The following EMB variants were observed in gnomAD, a reference collection of about 807,000 sequenced individuals.
EMB encodes embigin homolog.
In EMB, 31 loss-of-function variants were observed where a neutral mutation model predicts 41.4. That is an observed-to-expected ratio of 0.75 (90% confidence interval 0.56 to 1.01). The LOEUF is 1.01. Among genes scored for constraint, EMB ranks in the 50% least tolerant of loss-of-function variants. The probability of loss-of-function intolerance (pLI) is 0.00; values close to 1 mark genes in which losing one functional copy is unlikely to be tolerated. For missense variants in EMB, 379 were observed against 388.3 expected, an observed-to-expected ratio of 0.98 and a Z score of 0.20; for synonymous variants, 137 against 140.4, an observed-to-expected ratio of 0.98 and a Z score of 0.17.
At chr5:50,410,769 G>C (rs1284059632) in intron 4 of EMB, 108 bp downstream of exon 4, 1 of 725,828 alleles carries the variant, frequency 1.4e-6, no homozygotes, top group Non-Finnish European at 2.1e-6. Flanking sequence ...CTTTCTTTCA[G>C]CTACATTATG....
intron 1 of EMB, among the ~76,000 whole-genome samples, chr5:50,435,802 T>A (rs1312549409): frequency 2.6e-5 from 4 of 152,218 alleles, no homozygotes; most frequent in African/African-American, 2.4e-5. Context: ...CAGTTGGTAC[T>A]CATGAATCCC....
At chr5:50,440,332 G>A (rs563635758) in intron 1 of EMB, among the ~76,000 whole-genome samples, 31 of 152,134 alleles carry the variant, frequency 2.0e-4, no homozygotes, top group African/African-American at 7.0e-4. Context: ...TTGGGAGTTC[G>A]AGACCAGACT....
upstream of EMB, chr5:50,442,904 T>C (rs1745937457): frequency 6.6e-6 from 1 of 152,126 alleles, no homozygotes; most frequent in African/African-American, 2.4e-5. Flanking sequence ...TAAAGAAACA[T>C]TTTTTTCAGT....
In EMB at chr5:50,436,276, G is replaced by A. The variant is rs1745801562; in HGVS notation, c.112+4764C>T. ...TATATAGACTTAAGTAAAGAGATAGGGATTTAATGTCATGGATTCCCATGG... is the reference window on the plus strand; with the variant it reads ...TATATAGACTTAAGTAAAGAGATAGAGATTTAATGTCATGGATTCCCATGG... On this transcript the variant is annotated intron_variant, in intron 1 of 8. Coordinates refer to ENST00000303221, the MANE Select transcript of EMB (RefSeq NM_198449.3). 8.6e-5 allele frequency among the ~76,000 whole-genome samples: 13 copies of A among 152,012 alleles called. No homozygotes were observed. In the South Asian group the frequency reaches 2.7e-3, roughly 32 times the overall value.
intron 2 of EMB, among the ~76,000 whole-genome samples, chr5:50,421,841 A>C (rs1745529201): frequency 6.8e-6 from 1 of 147,768 alleles, no homozygotes; most frequent in African/African-American, 2.5e-5. Context: ...TGGGAACTGA[A>C]CAATGAGAAC....
At chr5:50,429,782 G>C (rs1209647386) in intron 1 of EMB, among the ~76,000 whole-genome samples, 1 of 151,760 alleles carries the variant, frequency 6.6e-6, no homozygotes, top group African/African-American at 2.4e-5. Context: ...TTCTCACTAG[G>C]CTATCAAGTA....
chr5:50,431,186 C>A (rs1745714920), intron 1 of EMB, among the ~76,000 whole-genome samples: 1 of 152,160 alleles, frequency 6.6e-6, no homozygotes, highest in Non-Finnish European at 1.5e-5. Context: ...ACACGTGTAA[C>A]TGCTGTGTGA....
At chr5:50,418,484 G>A (rs1745464972) in intron 2 of EMB, among the ~76,000 whole-genome samples, 1 of 152,222 alleles carries the variant, frequency 6.6e-6, no homozygotes, top group Non-Finnish European at 1.5e-5. Context: ...TGTAAAGTTA[G>A]AGGGAGGGAG....
chr5:50,399,542 G>C (rs1279523091), intron 8 of EMB, among the ~76,000 whole-genome samples: 4 of 151,852 alleles, frequency 2.6e-5, no homozygotes. Context: ...AGAAAATCCA[G>C]AAAATTTTAG....
chr5:50,409,549 T>TCA (rs1745301298), intron 4 of EMB, among the ~76,000 whole-genome samples: 1 of 151,312 alleles, frequency 6.6e-6, no homozygotes, highest in Admixed American at 6.6e-5. Flanking sequence ...TATTTTTTGC[T>TCA]CATTGGGAAG....
In EMB at chr5:50,398,794, T is replaced by G. The variant is rs1745112016; in HGVS notation, c.*479A>C. ...CATTTCAACTTAGTAAAGACATATT[T>G]TTTCACTATCACAGAAAGATGACCT... On this transcript the variant is annotated 3_prime_UTR_variant, in exon 9 of 9. Transcript: ENST00000303221. The G allele has an allele frequency of 6.6e-6, 1 of 152,440 alleles. No individual in the cohort carries two copies. Among genetic ancestry groups the G allele is most frequent in the South Asian group, 2.1e-4 (1 of 4,830 alleles). The allele number at this position is 152,440 out of a possible 1,614,324, so 9.4% of individuals were successfully genotyped here.
At chr5:50,439,985 T>C (rs1377194744) in intron 1 of EMB, among the ~76,000 whole-genome samples, 3 of 152,080 alleles carry the variant, frequency 2.0e-5, no homozygotes, top group Admixed American at 1.3e-4. Flanking sequence ...TGAAAAGTAA[T>C]TATAAACAGG....
At chr5:50,401,511 G>A (rs1745162731) in intron 7 of EMB, among the ~76,000 whole-genome samples, 1 of 151,858 alleles carries the variant, frequency 6.6e-6, no homozygotes, top group African/African-American at 2.4e-5. Context: ...CCAGCCCTTG[G>A]CTCTATTGTT....
At chr5:50,438,677 A>T in intron 1 of EMB, among the ~76,000 whole-genome samples, 1 of 152,128 alleles carries the variant, frequency 6.6e-6, no homozygotes, top group African/African-American at 2.4e-5. Context: ...TTTCCCAGAG[A>T]TCAATACCGA....
At position 50,434,176 on chromosome 5, in the gene EMB, G is replaced by T. The variant is rs186176476; in HGVS notation, c.113-5949C>A. Among the ~76,000 whole-genome samples the T allele has an allele frequency of 1.4e-4, 22 of 152,264 alleles. No individual in the cohort carries two copies. In the East Asian group the frequency reaches 4.0e-3, roughly 28 times the overall value. On this transcript the variant is annotated intron_variant, in intron 1 of 8. Transcript: ENST00000303221. ...TTTTGGGGTGTACAATTCACCCACC[G>T]CATATGTAGAGGCCAGGGATACTGC...
At chr5:50,401,475 T>C (rs1362798983) in intron 7 of EMB, among the ~76,000 whole-genome samples, 1 of 151,988 alleles carries the variant, frequency 6.6e-6, no homozygotes, top group Non-Finnish European at 1.5e-5. Flanking sequence ...TGCAGCAACT[T>C]TAATCTAGCC....
intron 1 of EMB, 40 bp from the exon 2 acceptor site, chr5:50,428,267 G>T: frequency 6.8e-7 from 1 of 1,469,010 alleles, no homozygotes; most frequent in Non-Finnish European, 9.4e-7. Context: ...CTCTTATCAA[G>T]AGTAAATGAC....
intron 2 of EMB, among the ~76,000 whole-genome samples, chr5:50,422,551 C>G (rs532833255): frequency 5.3e-5 from 8 of 152,170 alleles, no homozygotes; most frequent in Non-Finnish European, 1.0e-4. Context: ...AGTTGAGACG[C>G]TGGCTAACAG....
chr5:50,421,056 GT>G (rs1241333616), intron 2 of EMB, among the ~76,000 whole-genome samples: 5 of 152,040 alleles, frequency 3.3e-5, no homozygotes, highest in African/African-American at 4.8e-5. Flanking sequence ...CTACAATTAA[GT>G]TTAACTACAA....
Sources: allele counts gnomAD v4.1 joint callset (sites outside exome capture counted in the v4.1 genomes callset), GRCh38; gene constraint gnomAD v4.1.1; transcripts MANE v1.5; gene names NCBI Gene and HGNC (gene_info 2026-07-23, HGNC 2026-07-21).